Variants in MARK2 observed in about 807,000 individuals in gnomAD.
The protein encoded by MARK2 is microtubule affinity regulating kinase 2.
In MARK2, 16 loss-of-function variants were observed where a neutral mutation model predicts 89.8. That is an observed-to-expected ratio of 0.18 (90% confidence interval 0.12 to 0.27). The LOEUF (loss-of-function observed/expected upper bound fraction) is 0.27. Ranked by LOEUF, MARK2 falls within the 10% of genes least tolerant of loss-of-function variation. The pLI, the probability that MARK2 is intolerant of heterozygous loss-of-function variation, is 1.00. For missense variants in MARK2, 621 were observed against 1,049.9 expected (o/e 0.59, Z 5.65); for synonymous variants, 382 against 399.5 (o/e 0.96, Z 0.52).
At chr11:63,856,462 G>T (rs967219945) in intron 1 of MARK2, among the ~76,000 whole-genome samples, 16 of 149,020 alleles carry the variant, frequency 1.1e-4, no homozygotes, top group African/African-American at 4.0e-4. Context: ...TTACTCTGTT[G>T]CCCAGGCTGG....
At chr11:63,893,381 T>TA (rs1940081017) in intron 1 of MARK2, among the ~76,000 whole-genome samples, 1 of 151,980 alleles carries the variant, frequency 6.6e-6, no homozygotes, top group Non-Finnish European at 1.5e-5. Flanking sequence ...TGTTGTAGCA[T>TA]ATATTCTTTT....
intron 1 of MARK2, among the ~76,000 whole-genome samples, chr11:63,894,807 C>T (rs1940230502): frequency 6.6e-6 from 1 of 152,198 alleles, no homozygotes; most frequent in Non-Finnish European, 1.5e-5. Context: ...GCAGTCTTCT[C>T]GCAGTGTGCA....
intron 1 of MARK2, among the ~76,000 whole-genome samples, chr11:63,858,987 T>G (rs1937605096): frequency 6.6e-6 from 1 of 152,240 alleles, no homozygotes; most frequent in Non-Finnish European, 1.5e-5. Context: ...TAGCATTACT[T>G]TATGTTTTTT....
Position 63,898,939 on chromosome 11 carries a change from G to A in MARK2, c.474+106G>A. ...TAAGTGGCCCTTGGAGGGTACTTTGGGCTCTGCTTATCCGTGTGGCAGGTT... is the reference window on the plus strand; with the variant it reads ...TAAGTGGCCCTTGGAGGGTACTTTGAGCTCTGCTTATCCGTGTGGCAGGTT... On this transcript the variant is annotated intron_variant, in intron 6 of 18. Coordinates refer to ENST00000402010, the MANE Select transcript of MARK2 (RefSeq NM_001039469.3). The A allele has an allele frequency of 4.0e-6, 5 of 1,243,380 alleles. No homozygotes were observed. The Admixed American group carries it at 6.7e-5, about 17-fold the overall frequency. 77.0% of individuals were successfully genotyped at this position (1,243,380 alleles called of 1,614,324 possible).
chr11:63,868,315 C>G (rs527702559), intron 1 of MARK2, among the ~76,000 whole-genome samples: 98 of 151,922 alleles, frequency 6.5e-4, no homozygotes, highest in African/African-American at 2.2e-3. Context: ...TTGCTTGAGA[C>G]CTTGTCTCAA....
At chr11:63,886,363 G>A (rs75335854) in intron 1 of MARK2, among the ~76,000 whole-genome samples, 4,056 of 151,818 alleles carry the variant, frequency 0.027, 66 homozygotes, top group Non-Finnish European at 0.038. Flanking sequence ...GGCGCAAGTC[G>A]TCTTCCCACC....
intron 1 of MARK2, among the ~76,000 whole-genome samples, chr11:63,855,569 A>C (rs554591845): frequency 2.0e-5 from 3 of 152,112 alleles, no homozygotes; most frequent in Non-Finnish European, 4.4e-5. Flanking sequence ...ATGTAAAAGT[A>C]TATGAAATGT....
intron 1 of MARK2, among the ~76,000 whole-genome samples, chr11:63,852,520 G>A (rs1170883105): frequency 2.0e-5 from 3 of 151,826 alleles, no homozygotes; most frequent in African/African-American, 7.3e-5. Context: ...TCTCTTATAT[G>A]TAAGGGTGGA....
At chr11:63,906,798 C>T (rs904931341) in intron 17 of MARK2, among the ~76,000 whole-genome samples, 1 of 151,606 alleles carries the variant, frequency 6.6e-6, no homozygotes, top group African/African-American at 2.4e-5. Flanking sequence ...GCAGCTCCTG[C>T]AGAACTAGCC....
chr11:63,865,223 C>T (rs1178009401), intron 1 of MARK2, among the ~76,000 whole-genome samples: 1 of 152,120 alleles, frequency 6.6e-6, no homozygotes, highest in Non-Finnish European at 1.5e-5. Context: ...TTCTAAACTA[C>T]TTTAGAACCC....
At chr11:63,888,550 C>T (rs1024745785) in intron 1 of MARK2, 35 of 1,050,658 alleles carry the variant, frequency 3.3e-5, no homozygotes, top group Non-Finnish European at 3.9e-5. Context: ...TGTCTCCCTT[C>T]CTGCCCTATT....
chr11:63,862,606 C>T (rs934491223), intron 1 of MARK2, among the ~76,000 whole-genome samples: 26 of 152,164 alleles, frequency 1.7e-4, no homozygotes, highest in Admixed American at 7.9e-4. Context: ...GAGGGCTCTA[C>T]GCAAGAGCTA....
chr11:63,855,531 A>C (rs112866417), intron 1 of MARK2, among the ~76,000 whole-genome samples: 2,926 of 151,940 alleles, frequency 0.019, 76 homozygotes, highest in African/African-American at 0.061. Context: ...CAAAAACAAA[A>C]AAAAAAAAAA....
At position 63,900,167 on chromosome 11, in the gene MARK2, A is replaced by G; in HGVS notation, c.768+57A>G. 7.6e-7 allele frequency: 1 copy of G among 1,310,214 alleles called. No homozygotes were observed. Among genetic ancestry groups the G allele is most frequent in the South Asian group, 1.2e-5 (1 of 83,444 alleles). 81.2% of individuals were successfully genotyped at this position (1,310,214 alleles called of 1,614,324 possible). A position where few individuals can be genotyped will look rare whatever the true frequency, so the allele number is the denominator to read the frequency against. Reference sequence around the variant, plus strand: ...TCATTTCCTCTCGGCCTCTGGTCTTAGCCCTGACCTCCTGCCTTTGCCACC... The same window carrying G: ...TCATTTCCTCTCGGCCTCTGGTCTTGGCCCTGACCTCCTGCCTTTGCCACC... On this transcript the variant is annotated intron_variant, in intron 8 of 18. Transcript: ENST00000402010. This position sits in a 1 kb window ranked among gnomAD's most constrained non-coding sequence, Gnocchi z 4.7.
chr11:63,899,249 CTTT>C (rs66492279), intron 7 of MARK2, 141 bp downstream of exon 7: 68 of 537,310 alleles, frequency 1.3e-4, no homozygotes, highest in South Asian at 3.2e-4. Flanking sequence ...TTCTTTCTTT[CTTT>C]TTTTTTTTTT....
Position 63,904,172 on chromosome 11 carries a change from C to T in MARK2, c.1676+25C>T, listed in dbSNP as rs747826457. 3 of 1,536,716 alleles carry T rather than the reference C, an allele frequency of 2.0e-6. No individual in the cohort carries two copies. The highest frequency in any genetic ancestry group is 1.2e-5 in the South Asian group (1 of 84,764). On this transcript the variant is annotated intron_variant, in intron 15 of 18. Transcript: ENST00000402010. This position sits in a 1 kb window ranked among gnomAD's most constrained non-coding sequence, Gnocchi z 6.3. Reference sequence around the variant, plus strand: ...GGCAAGTGTGCTGGGGCAGCTGGTGCACCTGCTGCCCTCAGCCCACCCTAC... The same window carrying T: ...GGCAAGTGTGCTGGGGCAGCTGGTGTACCTGCTGCCCTCAGCCCACCCTAC...
At chr11:63,853,079 G>A (rs536468219) in intron 1 of MARK2, among the ~76,000 whole-genome samples, 3 of 152,256 alleles carry the variant, frequency 2.0e-5, no homozygotes, top group East Asian at 1.9e-4. Context: ...AGGCAGTGCC[G>A]CTTTAAATGT....
intron 1 of MARK2, among the ~76,000 whole-genome samples, chr11:63,875,802 A>C (rs1359117987): frequency 1.3e-5 from 2 of 152,226 alleles, no homozygotes; most frequent in African/African-American, 2.4e-5. Flanking sequence ...GCTGGATTCT[A>C]TGGCAGACAC....
At chr11:63,877,450 A>G (rs1938835834) in intron 1 of MARK2, among the ~76,000 whole-genome samples, 1 of 152,168 alleles carries the variant, frequency 6.6e-6, no homozygotes, top group Non-Finnish European at 1.5e-5. Flanking sequence ...TGAATTAAGT[A>G]TAAAAAGTGC....
Sources: gnomAD v4.1 joint callset for allele counts (sites outside exome capture counted in the v4.1 genomes callset) on GRCh38, gnomAD v4.1.1 for gene constraint, Gnocchi (gnomAD v3.1) non-coding constraint, MANE v1.5 for transcripts, NCBI Gene and HGNC (gene_info 2026-07-23, HGNC 2026-07-21) for gene names.